FAM170A: variants seen among roughly 807,000 people sequenced by gnomAD.
FAM170A encodes the protein protein FAM170A.
In FAM170A, 28 loss-of-function variants were observed where a neutral mutation model predicts 36.6. The ratio of observed to expected loss-of-function variants is 0.76; its 90% CI spans 0.57 to 1.05. The LOEUF is 1.05. FAM170A is among the 50% of genes least tolerant of loss of function. FAM170A has a pLI of 0.00. For synonymous variants in FAM170A, 156 were observed against 143.9 expected (o/e 1.08, Z -0.60); for missense variants, 434 against 396.5 (o/e 1.09, Z -0.80).
At chr5:119,635,072 C>T in exon 4 of FAM170A, 4 of 1,612,898 alleles carry the variant, frequency 2.5e-6, no homozygotes, top group African/African-American at 1.3e-5. Flanking sequence ...ATGGTGTGGC[C>T]TTCTCTTGCA....
At chr5:119,631,206 C>G (rs761916638) in intron 1 of FAM170A, among the ~76,000 whole-genome samples, 3 of 152,164 alleles carry the variant, frequency 2.0e-5, no homozygotes, top group Non-Finnish European at 2.9e-5. Context: ...CAGAGATGGC[C>G]CTGGAGGCTT....
chr5:119,632,983 C>T, intron 2 of FAM170A, 95 bp downstream of exon 2: 2 of 1,377,988 alleles, frequency 1.5e-6, no homozygotes, highest in Non-Finnish European at 2.0e-6. Flanking sequence ...GGGCATGAGA[C>T]TCTTTGGTTG....
chr5:119,633,413 G>A (rs1756299317), intron 2 of FAM170A, among the ~76,000 whole-genome samples: 1 of 152,084 alleles, frequency 6.6e-6, no homozygotes, highest in South Asian at 2.1e-4. Context: ...TCTGCTGTTG[G>A]GGTGTAGGGC....
chr5:119,634,243 G>T, exon 3 of FAM170A: 2 of 1,614,244 alleles, frequency 1.2e-6, no homozygotes, highest in Non-Finnish European at 1.7e-6. Flanking sequence ...CCCTTTCTGA[G>T]GTTGTGAGGG....
intron 3 of FAM170A, 81 bp from the exon 4 acceptor site, chr5:119,634,947 C>T (rs1427479658): frequency 3.2e-6 from 5 of 1,571,468 alleles, no homozygotes; most frequent in Non-Finnish European, 8.7e-7. Flanking sequence ...CTTGACCTTT[C>T]CAGCTCCTGC....
intron 1 of FAM170A, among the ~76,000 whole-genome samples, chr5:119,631,663 A>G (rs1002175969): frequency 6.6e-6 from 1 of 152,032 alleles, no homozygotes; most frequent in Non-Finnish European, 1.5e-5. Context: ...CCGTTCCTCT[A>G]TTACATACTC....
At chr5:119,635,411 TG>T (rs1484871674) in intron 4 of FAM170A, among the ~76,000 whole-genome samples, 2 of 151,944 alleles carry the variant, frequency 1.3e-5, no homozygotes, top group Non-Finnish European at 2.9e-5. Context: ...AGATCAGAGG[TG>T]TGGAGTCTGA....
intron 1 of FAM170A, among the ~76,000 whole-genome samples, chr5:119,630,648 G>A (rs1756229405): frequency 6.6e-6 from 1 of 152,208 alleles, no homozygotes; most frequent in African/African-American, 2.4e-5. Context: ...GCTGGGCTGA[G>A]AACTTTTGCT....
In FAM170A at chr5:119,634,887, G is replaced by A. The variant is rs189411590; in HGVS notation, c.987-144G>A. 4.8e-4 allele frequency: 607 copies of A among 1,264,672 alleles called. 8 individuals carry two copies. Among genetic ancestry groups the A allele is most frequent in the South Asian group, 4.5e-3 (323 of 71,360 alleles). The allele number at this position is 1,264,672 out of a possible 1,614,324, so 78.3% of individuals were successfully genotyped here. On this transcript the variant is annotated intron_variant, in intron 3 of 4. Transcript: ENST00000613773. ...GGAGGGGGACATAACTGGGATCCCT[G>A]CTTCTTGCCTAGGCATCTAATAAAG...
intron 1 of FAM170A, 100 bp from the exon 2 acceptor site, chr5:119,632,648 C>A: frequency 8.5e-7 from 1 of 1,173,912 alleles, no homozygotes. Context: ...TTCACTACAC[C>A]TGACATAGGT....
chr5:119,632,871 G>C, exon 2 of FAM170A: 2 of 1,608,802 alleles, frequency 1.2e-6, no homozygotes, highest in Non-Finnish European at 1.7e-6. Context: ...TCTTCTTCAC[G>C]CAAGCTCATC....
At chr5:119,634,455 T>A (rs1334807534) in exon 3 of FAM170A, 1 of 1,614,084 alleles carries the variant, frequency 6.2e-7, no homozygotes, top group Admixed American at 1.7e-5. Context: ...TGCTGCCGGG[T>A]GTTCACCACC....
At chr5:119,633,993 C>T (rs1347764911) in exon 3 of FAM170A, 1 of 1,613,706 alleles carries the variant, frequency 6.2e-7, no homozygotes, top group African/African-American at 1.3e-5. Flanking sequence ...AGCCCCCAGC[C>T]TCAATCACCC....
At chr5:119,632,988 T>C in intron 2 of FAM170A, 100 bp downstream of exon 2, 2 of 1,330,530 alleles carry the variant, frequency 1.5e-6, no homozygotes, top group South Asian at 3.1e-5. Context: ...TGAGACTCTT[T>C]GGTTGCAGTG....
At position 119,630,041 on chromosome 5, in the gene FAM170A, A is replaced by G. The variant is rs528059939; in HGVS notation, c.70+203A>G. 7.7e-3 allele frequency among the ~76,000 whole-genome samples: 1,130 copies of G among 147,594 alleles called. 11 individuals are homozygous for G. The highest frequency in any genetic ancestry group is 0.025 in the African/African-American group (1,010 of 39,692). On this transcript the variant is annotated intron_variant, in intron 1 of 4. Coordinates refer to ENST00000613773, the Ensembl canonical transcript of FAM170A. ...CGAGTAGCTGGGACTACAGGTGCCC[A>G]CCACCACGCCCGGCTAATTTTTTGT...
Position 119,634,725 on chromosome 5 carries a change from A to G in FAM170A, c.977A>G (p.Lys326Arg). 3.9e-6 allele frequency: 6 copies of G among 1,534,754 alleles called. No individual in the cohort carries two copies. The highest frequency in any genetic ancestry group is 5.2e-6 in the Non-Finnish European group (6 of 1,143,314). Residue 326 changes from lysine to arginine, a missense_variant, in exon 3 of 5, where the codon AAG (lysine) becomes AGG (arginine). Lys to Arg is a conservative substitution (Grantham distance 26). Transcript: ENST00000613773. ...CCAGGCTGTGTGTTTCATTCTCCAA[A>G]GGACAGGAAGTGAGCAAAGCCTGGG...
intron 4 of FAM170A, among the ~76,000 whole-genome samples, chr5:119,635,304 C>T (rs1756357810): frequency 6.6e-6 from 1 of 152,160 alleles, no homozygotes; most frequent in South Asian, 2.1e-4. Flanking sequence ...CATGATTGTC[C>T]TCAATTCTAA....
intron 3 of FAM170A, 61 bp downstream of exon 3, chr5:119,634,795 G>C: frequency 6.8e-7 from 1 of 1,473,968 alleles, no homozygotes; most frequent in South Asian, 1.4e-5. Flanking sequence ...AGCCAGTACT[G>C]TCTCCCCAGT....
chr5:119,633,863 C>T (rs1304629068), intron 2 of FAM170A, 97 bp from the exon 3 acceptor site: 3 of 1,458,328 alleles, frequency 2.1e-6, no homozygotes, highest in Non-Finnish European at 1.9e-6. Context: ...CATCTCACCA[C>T]AGTCCCTGTC....
Sources: allele counts gnomAD v4.1 joint callset (sites outside exome capture counted in the v4.1 genomes callset), GRCh38; gene constraint gnomAD v4.1.1; transcripts MANE v1.5; gene names NCBI Gene and HGNC (gene_info 2026-07-23, HGNC 2026-07-21).